Variants in ST7 observed in about 807,000 individuals in gnomAD.
The protein encoded by ST7 is suppression of tumorigenicity 7, also known as suppressor of tumorigenicity 7 protein.
ST7 carries 28 observed loss-of-function variants against 78.7 expected under a neutral mutation model. The observed-to-expected ratio is 0.36, with a 90% CI of 0.26 to 0.49. The LOEUF is 0.49. Among genes scored for constraint, ST7 ranks in the 20% least tolerant of loss-of-function variants. The pLI is 0.99. For synonymous variants in ST7, 247 were observed against 249.6 expected (o/e 0.99, Z 0.10); for missense variants, 418 against 696.0 (o/e 0.60, Z 4.49).
chr7:117,106,872 G>T (rs1054269474), intron 2 of ST7, among the ~76,000 whole-genome samples: 1 of 151,858 alleles, frequency 6.6e-6, no homozygotes, highest in South Asian at 2.1e-4. Context: ...CACCTGCCTC[G>T]GCCTCCCAAA....
chr7:117,017,937 A>G (rs1296887315), intron 1 of ST7, among the ~76,000 whole-genome samples: 1 of 152,198 alleles, frequency 6.6e-6, no homozygotes, highest in Non-Finnish European at 1.5e-5. Context: ...TGATGTTTTT[A>G]GCATACTGAT....
At chr7:117,025,225 G>T (rs1796127224) in intron 1 of ST7, among the ~76,000 whole-genome samples, 1 of 152,152 alleles carries the variant, frequency 6.6e-6, no homozygotes, top group African/African-American at 2.4e-5. Flanking sequence ...CTGTGAATTG[G>T]CTGAGATTTG....
intron 1 of ST7, among the ~76,000 whole-genome samples, chr7:117,083,584 A>T (rs968487673): frequency 3.9e-5 from 6 of 152,162 alleles, no homozygotes; most frequent in Non-Finnish European, 7.4e-5. Context: ...TTTAATAAGA[A>T]CATAGAATAG....
intron 15 of ST7, among the ~76,000 whole-genome samples, chr7:117,226,063 G>C (rs1365101941): frequency 2.6e-5 from 4 of 152,128 alleles, no homozygotes; most frequent in Non-Finnish European, 5.9e-5. Context: ...CCGAGACTGA[G>C]CCTCTTGATT....
At chr7:117,054,913 T>A (rs1797986977) in intron 1 of ST7, among the ~76,000 whole-genome samples, 1 of 152,210 alleles carries the variant, frequency 6.6e-6, no homozygotes, top group South Asian at 2.1e-4. Context: ...TTAGGAATAT[T>A]AGGCATTGTG....
At chr7:117,059,540 G>GAT in intron 1 of ST7, among the ~76,000 whole-genome samples, 1 of 152,096 alleles carries the variant, frequency 6.6e-6, no homozygotes, top group East Asian at 1.9e-4. Context: ...CATATATATG[G>GAT]ATATATATGA....
At chr7:117,086,032 C>T (rs961118970) in intron 1 of ST7, among the ~76,000 whole-genome samples, 1 of 152,140 alleles carries the variant, frequency 6.6e-6, no homozygotes. Flanking sequence ...CCTCTCTTCC[C>T]TTCTTCTCCC....
At chr7:117,209,273 G>A (rs193587) in intron 12 of ST7, among the ~76,000 whole-genome samples, 86,457 of 151,922 alleles carry the variant, frequency 0.57, 27,003 homozygotes, top group East Asian at 0.89. Context: ...TGCTCTGGCT[G>A]CCACCCTTCC....
Position 117,027,129 on chromosome 7 carries a change from A to G in ST7, c.152-72633A>G, listed in dbSNP as rs920526645. On this transcript the variant is annotated intron_variant, in intron 1 of 15. Transcript: ENST00000323984. Reference sequence around the variant, plus strand: ...TAATAGACACATAAATATTTAAATAAACATACAAATACTTACCAAATTAAG... The same window carrying G: ...TAATAGACACATAAATATTTAAATAGACATACAAATACTTACCAAATTAAG... 4.6e-5 allele frequency among the ~76,000 whole-genome samples: 7 copies of G among 152,358 alleles called. No homozygotes were observed. In the South Asian group the frequency reaches 1.2e-3, roughly 27 times the overall value.
intron 2 of ST7, among the ~76,000 whole-genome samples, chr7:117,103,004 A>C (rs1801679443): frequency 1.3e-5 from 2 of 152,182 alleles, no homozygotes; most frequent in Admixed American, 6.5e-5. Context: ...TAAAATACCT[A>C]GGAATTAATT....
chr7:117,132,799 G>A (rs1484594838), intron 6 of ST7, among the ~76,000 whole-genome samples: 3 of 151,626 alleles, frequency 2.0e-5, no homozygotes, highest in East Asian at 1.9e-4. Flanking sequence ...CTACAAATTC[G>A]ATATGCCTGC....
At chr7:117,026,016 A>G (rs1796166001) in intron 1 of ST7, among the ~76,000 whole-genome samples, 1 of 152,172 alleles carries the variant, frequency 6.6e-6, no homozygotes, top group Non-Finnish European at 1.5e-5. Flanking sequence ...ATTACATGTG[A>G]GTCTTCAGTG....
rs1803197612 is a variant in ST7 at position 117,119,599 on chromosome 7, A to G, written c.273A>G (p.Ser91=). ...EWWYFRKYGT[S]FIEQVSVSHL... ...GGTATTTTCGCAAATACGGAACTTCATTCATTGAACAAGTCTCAGTAAGCC... is the reference window on the plus strand; with the variant it reads ...GGTATTTTCGCAAATACGGAACTTCGTTCATTGAACAAGTCTCAGTAAGCC... Residue 91 remains serine, a synonymous_variant, in exon 3 of 16, where the codon TCA becomes TCG. Transcript: ENST00000323984. 5 of 1,612,768 alleles carry G rather than the reference A, an allele frequency of 3.1e-6. No homozygotes were observed. The South Asian group carries it at 5.5e-5, about 18-fold the overall frequency.
intron 1 of ST7, among the ~76,000 whole-genome samples, chr7:117,066,692 C>T (rs1308742804): frequency 7.0e-6 from 1 of 143,432 alleles, no homozygotes; most frequent in African/African-American, 2.6e-5. Context: ...ACCTGGAAGG[C>T]AGAGATTGCA....
chr7:117,046,089 T>C (rs561856855), intron 1 of ST7, among the ~76,000 whole-genome samples: 44 of 152,206 alleles, frequency 2.9e-4, no homozygotes, highest in Non-Finnish European at 5.1e-4. Flanking sequence ...AGGGAAATTA[T>C]GTACCTTGCT....
At chr7:117,184,604 C>A (rs1229043009) in intron 10 of ST7, among the ~76,000 whole-genome samples, 1 of 152,008 alleles carries the variant, frequency 6.6e-6, no homozygotes, top group Non-Finnish European at 1.5e-5. Context: ...TTAGTGATCA[C>A]CAGGGGACAT....
chr7:117,090,569 T>C (rs1434239956), intron 1 of ST7, among the ~76,000 whole-genome samples: 2 of 152,212 alleles, frequency 1.3e-5, no homozygotes, highest in African/African-American at 2.4e-5. Flanking sequence ...CTCTTCAATG[T>C]AACTATGTGG....
At position 117,219,210 on chromosome 7, in the gene ST7, T is replaced by G. The variant is rs779713200; in HGVS notation, c.1498+34T>G. On this transcript the variant is annotated intron_variant, in intron 14 of 15. Transcript: ENST00000323984. The surrounding 1 kb of genome is among the most constrained non-coding windows in gnomAD (Gnocchi z 5.1). ...CACCTCTCTTCAGCCAGTGAGGGTG[T>G]GTGGTGAAAGGTGGGGATTGGAAGA... 1 of 1,552,234 alleles carries G rather than the reference T, an allele frequency of 6.4e-7. No individual in the cohort carries two copies. Among genetic ancestry groups the G allele is most frequent in the South Asian group, 1.2e-5 (1 of 86,596 alleles).
chr7:117,015,959 T>C lies in ST7; in HGVS notation c.151+62268T>C, dbSNP rs543352287. ...CTACTTACACAGTATCTATAAATTA[T>C]AACTGTAGGTGGATCTTTGGCAAGA... On this transcript the variant is annotated intron_variant, in intron 1 of 15. Transcript: ENST00000323984. 2.5e-4 allele frequency among the ~76,000 whole-genome samples: 38 copies of C among 152,322 alleles called. No individual in the cohort carries two copies. The South Asian group carries it at 7.9e-3, about 32-fold the overall frequency.
Sources: gnomAD v4.1 joint callset for allele counts (sites outside exome capture counted in the v4.1 genomes callset) on GRCh38, gnomAD v4.1.1 for gene constraint, Gnocchi (gnomAD v3.1) non-coding constraint, MANE v1.5 for transcripts, NCBI Gene and HGNC (gene_info 2026-07-23, HGNC 2026-07-21) for gene names.